The following ZNF382 variants were observed in gnomAD, a reference collection of about 807,000 sequenced individuals.
ZNF382 encodes the protein KRAB/zinc finger suppressor protein 1.
A neutral mutation model predicts 38.8 loss-of-function variants in ZNF382; 20 were observed. The observed-to-expected ratio is 0.51, with a 90% CI of 0.36 to 0.75. ZNF382 has a LOEUF of 0.75. Ranked by LOEUF, ZNF382 falls within the 30% of genes least tolerant of loss-of-function variation. The pLI is 0.00. For missense variants in ZNF382, 546 were observed against 654.1 expected, an observed-to-expected ratio of 0.83 and a Z score of 1.80; for synonymous variants, 202 against 223.1, an observed-to-expected ratio of 0.91 and a Z score of 0.84.
chr19:36,613,852 T>C (rs2037098914), intron 4 of ZNF382, among the ~76,000 whole-genome samples: 1 of 152,210 alleles, frequency 6.6e-6, no homozygotes, highest in Non-Finnish European at 1.5e-5. Context: ...GTTCCATCAG[T>C]ATTTATTGAC....
Position 36,609,998 on chromosome 19 carries a change from G to A in ZNF382, c.84G>A (p.Gln28=). The A allele has an allele frequency of 6.2e-7, 1 of 1,613,956 alleles. No homozygotes were observed. Among genetic ancestry groups the A allele is most frequent in the Non-Finnish European group, 8.5e-7 (1 of 1,179,988 alleles). The change falls in exon 3 of 5, where the codon CAG becomes CAA. Residue 28 remains glutamine, a synonymous_variant. Transcript: ENST00000292928. The part of the protein sequence containing the change: ...QEEWQQLDPA[Q]KALYRDVMLE... The stretch of plus-strand genomic sequence containing the variant: ...AGTGGCAGCAACTAGACCCTGCTCA[G>A]AAGGCGCTTTACAGGGATGTGATGT...
intron 4 of ZNF382, among the ~76,000 whole-genome samples, chr19:36,620,191 C>G (rs1297418790): frequency 1.3e-5 from 2 of 152,282 alleles, no homozygotes; most frequent in African/African-American, 4.8e-5. Flanking sequence ...GACCTACCAC[C>G]AGGTTCCAAA....
chr19:36,614,620 T>A (rs1349339297), intron 4 of ZNF382, among the ~76,000 whole-genome samples: 2 of 152,126 alleles, frequency 1.3e-5, no homozygotes, highest in Non-Finnish European at 2.9e-5. Context: ...TTAATATTTC[T>A]GATTCTATTG....
chr19:36,606,991 C>A (rs1330003496), intron 1 of ZNF382, among the ~76,000 whole-genome samples: 2 of 150,654 alleles, frequency 1.3e-5, no homozygotes, highest in East Asian at 4.0e-4. Flanking sequence ...GCAGGAGAAT[C>A]GCTTGAACCC....
rs1401169973 is a variant in ZNF382, at chr19:36,631,787, A to G, written c.*4237A>G. 1.3e-5 allele frequency: 2 copies of G among 152,162 alleles called. No homozygotes were observed. Among genetic ancestry groups the G allele is most frequent in the Admixed American group, 1.3e-4 (2 of 15,258 alleles). The allele number at this position is 152,162 out of a possible 1,614,324, so 9.4% of individuals were successfully genotyped here. On this transcript the variant is annotated 3_prime_UTR_variant, in exon 5 of 5. Coordinates refer to ENST00000292928, the MANE Select transcript of ZNF382 (RefSeq NM_032825.5). ...TTTTCATCTAACTTATATATTGCTC[A>G]ATGAAGTTTGGGCAACTCTAAGGAG...
intron 4 of ZNF382, 51 bp downstream of exon 4, chr19:36,610,793 C>T: frequency 7.3e-7 from 1 of 1,375,530 alleles, no homozygotes; most frequent in Non-Finnish European, 1.0e-6. Flanking sequence ...GTAGTTGAAG[C>T]CTTTGAATGT....
chr19:36,611,507 G>A (rs988966576), intron 4 of ZNF382, among the ~76,000 whole-genome samples: 1 of 152,024 alleles, frequency 6.6e-6, no homozygotes, highest in Non-Finnish European at 1.5e-5. Flanking sequence ...TTAATATTCT[G>A]TTGTATGTAT....
rs1248321344 is a variant in ZNF382, at chr19:36,626,990, G to A, written c.1093G>A (p.Ala365Thr). 6.2e-7 allele frequency: 1 copy of A among 1,613,904 alleles called. No individual in the cohort carries two copies. The highest frequency in any genetic ancestry group is 8.5e-7 in the Non-Finnish European group (1 of 1,179,990). ...TTGTGGGAAGTCCTTCCGCCAGAAGGCCACCCTCACTAGACATCACAAAAC... is the reference window on the plus strand; with the variant it reads ...TTGTGGGAAGTCCTTCCGCCAGAAGACCACCCTCACTAGACATCACAAAAC... ...IDCGKSFRQKATLTRHHKTHT... is the reference protein window; with the variant it reads ...IDCGKSFRQKTTLTRHHKTHT... The change falls in exon 5 of 5, where the codon GCC becomes ACC. Residue 365 changes from alanine (A) to threonine (T), a missense_variant. Physicochemically the swap from Ala to Thr is moderately conservative, Grantham distance 58. Transcript: ENST00000292928.
At chr19:36,621,471 C>G (rs1033351437) in intron 4 of ZNF382, among the ~76,000 whole-genome samples, 4 of 151,680 alleles carry the variant, frequency 2.6e-5, no homozygotes, top group African/African-American at 9.7e-5. Context: ...CTGTCTGTGA[C>G]TCAGAACTTT....
chr19:36,608,747 A>G (rs1568626598), intron 2 of ZNF382: 2 of 152,266 alleles, frequency 1.3e-5, no homozygotes, highest in Non-Finnish European at 2.9e-5. Flanking sequence ...CAGACAAAGT[A>G]CATTTCCAAA....
chr19:36,624,223 T>C (rs1248002247), intron 4 of ZNF382, among the ~76,000 whole-genome samples: 4 of 152,390 alleles, frequency 2.6e-5, no homozygotes, highest in East Asian at 3.9e-4. Flanking sequence ...GTGTTCAAAC[T>C]GCACATAAGT....
In ZNF382 at chr19:36,627,441, C is replaced by G. The variant is rs767217631; in HGVS notation, c.1544C>G (p.Thr515Arg). The change falls in exon 5 of 5, where the codon ACA (threonine) becomes AGA (arginine). Residue 515 changes from threonine to arginine, a missense_variant. By Grantham distance (71) the Thr-to-Arg change is moderately conservative (BLOSUM62 -1). Transcript: ENST00000292928. ...CTCATTCGCCATCAGAAAACTCACACAGGCGAGAAACCATATGAATGTAAA... is the reference window on the plus strand; with the variant it reads ...CTCATTCGCCATCAGAAAACTCACAGAGGCGAGAAACCATATGAATGTAAA... The part of the protein sequence containing the change: ...SNLIRHQKTH[T>R]GEKPYECKQC... 3.7e-6 allele frequency: 6 copies of G among 1,614,014 alleles called. No individual in the cohort carries two copies. The East Asian group carries it at 8.9e-5, about 24-fold the overall frequency.
chr19:36,610,587 TCTTA>T, intron 3 of ZNF382, 59 bp from the exon 4 acceptor site: 1 of 1,368,714 alleles, frequency 7.3e-7, no homozygotes, highest in Non-Finnish European at 1.0e-6. Context: ...TGTATCTTTA[TCTTA>T]CTTCAATAGT....
chr19:36,623,685 TCAGGAGGTCGAGG>T (rs2037187163), intron 4 of ZNF382, among the ~76,000 whole-genome samples: 1 of 151,868 alleles, frequency 6.6e-6, no homozygotes, highest in Admixed American at 6.6e-5. Context: ...TCCCAGCTAC[TCAGGAGGTCGAGG>T]CATGAGAATC....
At chr19:36,614,986 CTTT>C (rs777536991) in intron 4 of ZNF382, among the ~76,000 whole-genome samples, 4 of 83,466 alleles carry the variant, frequency 4.8e-5, no homozygotes, top group Admixed American at 1.5e-4. Flanking sequence ...TTCCTTCTTT[CTTT>C]TTTTTTTTTT....
chr19:36,621,627 A>C (rs2037171707), intron 4 of ZNF382, among the ~76,000 whole-genome samples: 1 of 152,100 alleles, frequency 6.6e-6, no homozygotes, highest in South Asian at 2.1e-4. Flanking sequence ...CAAAATACAA[A>C]TAAAAATCAG....
At chr19:36,614,925 C>CTTTCCT (rs2037111949) in intron 4 of ZNF382, among the ~76,000 whole-genome samples, 1 of 60,398 alleles carries the variant, frequency 1.7e-5, no homozygotes. Flanking sequence ...TTCCCTTTCC[C>CTTTCCT]TTTCCCTTTC....
Position 36,610,140 on chromosome 19 carries a change from G to C in ZNF382, c.139+87G>C, listed in dbSNP as rs139700097. The C allele has an allele frequency of 4.6e-4, 693 of 1,513,148 alleles. 1 individual carries two copies. Among genetic ancestry groups the C allele is most frequent in the African/African-American group, 4.4e-3 (315 of 71,062 alleles). 93.7% of individuals were successfully genotyped at this position (1,513,148 alleles called of 1,614,324 possible). On this transcript the variant is annotated intron_variant, in intron 3 of 4. Transcript: ENST00000292928. Reference sequence around the variant, plus strand: ...ATAGGACTTTGAATTTCAGGGATTAGAGGTGATTATTTTTTTGGCAGAAAA... The same window carrying C: ...ATAGGACTTTGAATTTCAGGGATTACAGGTGATTATTTTTTTGGCAGAAAA...
Position 36,618,472 on chromosome 19 carries a change from A to C in ZNF382, c.233-7658A>C, listed in dbSNP as rs80067272. Among the ~76,000 whole-genome samples the C allele has an allele frequency of 5.5e-3, 837 of 152,284 alleles. 23 individuals are homozygous for C. Among genetic ancestry groups the C allele is most frequent in the Admixed American group, 0.037 (567 of 15,288 alleles). ...TCTCCATTCCCAGATTTTGTCTTCA[A>C]GTTAGGGTAGCTCTGAACTCTAACC... On this transcript the variant is annotated intron_variant, in intron 4 of 4. Transcript: ENST00000292928.
Sources: gnomAD v4.1 joint callset for allele counts (sites outside exome capture counted in the v4.1 genomes callset) on GRCh38, gnomAD v4.1.1 for gene constraint, MANE v1.5 for transcripts, NCBI Gene and HGNC (gene_info 2026-07-23, HGNC 2026-07-21) for gene names.